Variants in OPCML observed in about 807,000 individuals in gnomAD.
OPCML encodes opioid-binding protein/cell adhesion molecule.
A neutral mutation model predicts 37.8 loss-of-function variants in OPCML; 13 were observed. The observed-to-expected ratio is 0.34, with a 90% CI of 0.22 to 0.55. The LOEUF (loss-of-function observed/expected upper bound fraction) is 0.55, where lower values mean the gene tolerates loss of function less well. Ranked by LOEUF, OPCML falls within the 20% of genes least tolerant of loss-of-function variation. The probability of loss-of-function intolerance (pLI) is 0.91; values close to 1 mark genes in which losing one functional copy is unlikely to be tolerated. For synonymous variants in OPCML, 176 were observed against 168.8 expected (o/e 1.04, Z -0.33); for missense variants, 341 against 435.6 (o/e 0.78, Z 1.93).
intron 1 of OPCML, among the ~76,000 whole-genome samples, chr11:133,098,118 A>G (rs1348891811): frequency 1.3e-5 from 2 of 152,198 alleles, no homozygotes; most frequent in African/African-American, 4.8e-5. Flanking sequence ...AAAAATCCCC[A>G]ACAAAACTTT....
intron 1 of OPCML, among the ~76,000 whole-genome samples, chr11:133,000,206 A>C (rs1946972815): frequency 6.6e-6 from 1 of 152,008 alleles, no homozygotes; most frequent in South Asian, 2.1e-4. Flanking sequence ...TCCGCCTCCC[A>C]GGTTCAAGCA....
intron 1 of OPCML, among the ~76,000 whole-genome samples, chr11:133,521,363 G>A (rs967557168): frequency 6.6e-6 from 1 of 152,222 alleles, no homozygotes; most frequent in African/African-American, 2.4e-5. Flanking sequence ...TCCACACGGT[G>A]AAGGCAGGAT....
At chr11:132,725,889 CTT>C (rs1196330359) in intron 2 of OPCML, among the ~76,000 whole-genome samples, 30 of 152,240 alleles carry the variant, frequency 2.0e-4, no homozygotes, top group African/African-American at 6.3e-4. Context: ...CTACCAGTCT[CTT>C]TGCTAAAACA....
intron 1 of OPCML, among the ~76,000 whole-genome samples, chr11:133,033,517 A>C (rs567235405): frequency 2.0e-5 from 3 of 152,380 alleles, no homozygotes; most frequent in Non-Finnish European, 4.4e-5. Context: ...CTATTAGAAG[A>C]AAATTGTATA....
chr11:133,161,573 G>C (rs1341174025), intron 1 of OPCML, among the ~76,000 whole-genome samples: 1 of 152,172 alleles, frequency 6.6e-6, no homozygotes, highest in African/African-American at 2.4e-5. Context: ...ATCCCGAAGA[G>C]TTCTGTCAGC....
intron 3 of OPCML, among the ~76,000 whole-genome samples, chr11:132,578,669 G>A (rs1362115369): frequency 6.6e-6 from 1 of 152,146 alleles, no homozygotes; most frequent in Non-Finnish European, 1.5e-5. Context: ...GCCTGTCTTT[G>A]TGCCAAAGCA....
At chr11:132,948,971 A>C (rs894712299) in intron 1 of OPCML, among the ~76,000 whole-genome samples, 1 of 152,244 alleles carries the variant, frequency 6.6e-6, no homozygotes, top group Admixed American at 6.5e-5. Flanking sequence ...AAGAGAGACC[A>C]CTGGCTAGCC....
intron 2 of OPCML, among the ~76,000 whole-genome samples, chr11:132,745,996 C>G (rs555245136): frequency 1.3e-5 from 2 of 152,314 alleles, no homozygotes; most frequent in South Asian, 4.1e-4. Flanking sequence ...AGCTCTGTCC[C>G]TGGGGACAGC....
chr11:133,318,360 A>C (rs1315475995), intron 1 of OPCML, among the ~76,000 whole-genome samples: 2 of 152,190 alleles, frequency 1.3e-5, no homozygotes, highest in African/African-American at 4.8e-5. Flanking sequence ...CATCCTGGAT[A>C]TCTGATTAGG....
Position 132,419,794 on chromosome 11 carries a change from G to A in OPCML, c.*399C>T, listed in dbSNP as rs144768353. ...GCTCTTGCTGTGCACTATGTTATAA[G>A]TCAAGTTGTGTCTTCAGGGTGTTTA... On this transcript the variant is annotated 3_prime_UTR_variant, in exon 8 of 8. Transcript: ENST00000524381. 505 of 182,640 alleles carry A rather than the reference G, an allele frequency of 2.8e-3. 1 individual carries two copies. The highest frequency in any genetic ancestry group is 4.4e-3 in the Non-Finnish European group (389 of 88,158). 11.3% of individuals were successfully genotyped at this position (182,640 alleles called of 1,614,324 possible). A position where few individuals can be genotyped will look rare whatever the true frequency, so the allele number is the denominator to read the frequency against.
chr11:133,043,535 C>A lies in OPCML; in HGVS notation c.62-100525G>T, dbSNP rs190191231. Among the ~76,000 whole-genome samples, 14 of 152,262 alleles carry A rather than the reference C, an allele frequency of 9.2e-5. 1 individual carries two copies. Among genetic ancestry groups the A allele is most frequent in the Admixed American group, 2.6e-4 (4 of 15,290 alleles). On this transcript the variant is annotated intron_variant, in intron 1 of 7. Transcript: ENST00000524381. ...CACACCCAGGGAAATAGATTTCCAG[C>A]CTCACTGTGATATTGCTTTAGGAGG...
At chr11:132,736,920 A>C (rs1234403479) in intron 2 of OPCML, among the ~76,000 whole-genome samples, 2 of 152,232 alleles carry the variant, frequency 1.3e-5, no homozygotes, top group African/African-American at 2.4e-5. Flanking sequence ...ATAATTTTCA[A>C]AGTCATTGGT....
chr11:132,716,396 ATCTATCTATCTGTCTGTCTATCTATCT>A (rs1490242801), intron 2 of OPCML, among the ~76,000 whole-genome samples: 1 of 47,126 alleles, frequency 2.1e-5, no homozygotes, highest in East Asian at 2.7e-3. Flanking sequence ...CTATTTATCT[ATCTATCTATCTGTCTGTCTATCTATCT>A]ATCTATCTAT....
chr11:132,929,581 C>T (rs924972836), intron 2 of OPCML, among the ~76,000 whole-genome samples: 9 of 152,076 alleles, frequency 5.9e-5, no homozygotes, highest in Non-Finnish European at 1.0e-4. Context: ...CAAAATCAGA[C>T]GAAGACATTA....
At chr11:133,157,190 G>A (rs569740523) in intron 1 of OPCML, among the ~76,000 whole-genome samples, 1 of 152,286 alleles carries the variant, frequency 6.6e-6, no homozygotes, top group African/African-American at 2.4e-5. Flanking sequence ...AAGTCGGCGC[G>A]CACACGGTGT....
chr11:132,556,263 G>C (rs546007302), intron 3 of OPCML, among the ~76,000 whole-genome samples: 1 of 152,254 alleles, frequency 6.6e-6, no homozygotes, highest in Admixed American at 6.5e-5. Flanking sequence ...GTTCTTTATA[G>C]TAAGGGAACC....
intron 4 of OPCML, among the ~76,000 whole-genome samples, chr11:132,463,137 A>G (rs1011157783): frequency 5.3e-5 from 8 of 152,346 alleles, no homozygotes; most frequent in African/African-American, 1.9e-4. Context: ...CTCCTCTGTA[A>G]ATACAATCTT....
intron 3 of OPCML, among the ~76,000 whole-genome samples, chr11:132,544,305 G>A (rs532372414): frequency 8.7e-4 from 132 of 152,186 alleles, no homozygotes; most frequent in African/African-American, 3.1e-3. Flanking sequence ...TACTGGGGAG[G>A]GGTCAGATCT....
intron 1 of OPCML, among the ~76,000 whole-genome samples, chr11:133,223,650 G>A (rs1456996735): frequency 6.6e-6 from 1 of 152,200 alleles, no homozygotes; most frequent in Non-Finnish European, 1.5e-5. Context: ...AACCTTCAGG[G>A]TATGATTGGA....
Sources: allele counts gnomAD v4.1 joint callset (sites outside exome capture counted in the v4.1 genomes callset), GRCh38; gene constraint gnomAD v4.1.1; transcripts MANE v1.5; gene names NCBI Gene and HGNC (gene_info 2026-07-23, HGNC 2026-07-21).